Variants in SYT6 observed in about 807,000 individuals in gnomAD.
SYT6 encodes synaptotagmin 6, also known as synaptotagmin-6.
A neutral mutation model predicts 38.4 loss-of-function variants in SYT6; 24 were observed. The observed-to-expected ratio is 0.62, with a 90% CI of 0.45 to 0.88. The LOEUF is 0.88. Ranked by LOEUF, SYT6 falls within the 40% of genes least tolerant of loss-of-function variation. The pLI is 0.00. For synonymous variants in SYT6, 265 were observed against 241.9 expected (o/e 1.10, Z -0.89); for missense variants, 611 against 621.0 (o/e 0.98, Z 0.17).
At chr1:114,153,414 A>C (rs1208172693) in intron 1 of SYT6, among the ~76,000 whole-genome samples, 196 bp downstream of exon 1, 1 of 152,166 alleles carries the variant, frequency 6.6e-6, no homozygotes, top group African/African-American at 2.4e-5. Flanking sequence ...CTTCTACCCC[A>C]ACCTCCGCTC....
At chr1:114,115,524 C>T (rs567027311) in intron 3 of SYT6, among the ~76,000 whole-genome samples, 1 of 151,550 alleles carries the variant, frequency 6.6e-6, no homozygotes, top group African/African-American at 2.4e-5. Flanking sequence ...TCAAGCAATT[C>T]TCCTGCCTCA....
At chr1:114,135,848 C>G (rs1283628793) in intron 3 of SYT6, among the ~76,000 whole-genome samples, 1 of 152,194 alleles carries the variant, frequency 6.6e-6, no homozygotes, top group Non-Finnish European at 1.5e-5. Flanking sequence ...GAGGACTGAG[C>G]TGCTTTTCTC....
chr1:114,092,148 G>A (rs902231901), intron 7 of SYT6, 66 bp from the exon 8 acceptor site: 1 of 1,459,864 alleles, frequency 6.8e-7, no homozygotes, highest in Admixed American at 2.0e-5. Flanking sequence ...TTGCAAAACT[G>A]AACTGGCCCA....
Position 114,111,004 on chromosome 1 carries a change from C to T in SYT6, c.1072-7283G>A, listed in dbSNP as rs138868239. Among the ~76,000 whole-genome samples the T allele has an allele frequency of 6.4e-4, 98 of 152,350 alleles. 1 individual carries two copies. The highest frequency in any genetic ancestry group is 2.3e-3 in the African/African-American group (96 of 41,574). On this transcript the variant is annotated intron_variant, in intron 3 of 7. Coordinates refer to ENST00000610222, the MANE Select transcript of SYT6 (RefSeq NM_001253772.2). ...TATCATCCAAAAGCCCAATCATATA[C>T]AGCAGCTGAAGAGTGGCTCAGAAAC...
chr1:114,146,234 G>A (rs2101117206), intron 1 of SYT6, among the ~76,000 whole-genome samples: 1 of 152,312 alleles, frequency 6.6e-6, no homozygotes, highest in East Asian at 1.9e-4. Context: ...CAGGCAGCAG[G>A]GAGGAGGTGA....
At chr1:114,128,479 C>A (rs930979952) in intron 3 of SYT6, among the ~76,000 whole-genome samples, 2 of 152,180 alleles carry the variant, frequency 1.3e-5, no homozygotes, top group African/African-American at 2.4e-5. Flanking sequence ...CCAAACCAAC[C>A]CTCCTAGACC....
intron 1 of SYT6, among the ~76,000 whole-genome samples, chr1:114,141,176 G>C (rs138212089): frequency 7.9e-5 from 12 of 152,344 alleles, no homozygotes; most frequent in African/African-American, 2.9e-4. Context: ...GAAGCTTAGT[G>C]AGGATGGCAT....
intron 1 of SYT6, among the ~76,000 whole-genome samples, chr1:114,149,650 G>T (rs1266935490): frequency 2.0e-5 from 3 of 152,050 alleles, no homozygotes; most frequent in Non-Finnish European, 4.4e-5. Flanking sequence ...TATTAGTTTG[G>T]TGGATGGTAA....
At chr1:114,122,974 T>G (rs1443880386) in intron 3 of SYT6, among the ~76,000 whole-genome samples, 1 of 152,242 alleles carries the variant, frequency 6.6e-6, no homozygotes, top group Non-Finnish European at 1.5e-5. Context: ...ATTAGAATCC[T>G]GACTCACACC....
At position 114,137,596 on chromosome 1, in the gene SYT6, G is replaced by A. The variant is rs117771236; in HGVS notation, c.970C>T (p.Arg324Cys). The A allele has an allele frequency of 1.5e-4, 236 of 1,614,202 alleles. No individual in the cohort carries two copies. The East Asian group carries it at 3.7e-3, about 25-fold the overall frequency. The change falls in exon 3 of 8, where the codon CGC (arginine) becomes TGC (cysteine). Residue 324 changes from arginine (R) to cysteine (C), a missense_variant. Physicochemically the swap from Arg to Cys is radical, Grantham distance 180 (BLOSUM62 -3). Transcript: ENST00000610222. Reference protein sequence around the residue: ...LSVFDFDRFSRHDMIGEVILD... With the variant: ...LSVFDFDRFSCHDMIGEVILD... The stretch of plus-strand genomic sequence containing the variant: ...ATGACCTCGCCAATCATGTCATGGC[G>A]GGAGAAGCGGTCAAAGTCGAAGACA...
In SYT6 at chr1:114,093,789, C is replaced by G. The variant is rs368421482; in HGVS notation, c.1530G>C (p.Leu510Phe). The G allele has an allele frequency of 4.3e-6, 7 of 1,614,150 alleles. No individual in the cohort carries two copies. Among genetic ancestry groups the G allele is most frequent in the African/African-American group, 1.3e-5 (1 of 75,042 alleles). Residue 510 changes from leucine (L) to phenylalanine (F), a missense_variant, in exon 7 of 8, where the codon TTG becomes TTC. Coordinates refer to ENST00000610222, the MANE Select transcript of SYT6 (RefSeq NM_001253772.2). ...KKSFKEGNPRL is the reference protein window; with the variant it reads ...KKSFKEGNPRF Reference sequence around the variant, plus strand: ...TGCAGCATCCACGTGAATGAAATCACAACCGAGGGTTTCCCTGGTGAAATA... The same window carrying G: ...TGCAGCATCCACGTGAATGAAATCAGAACCGAGGGTTTCCCTGGTGAAATA...
intron 6 of SYT6, among the ~76,000 whole-genome samples, chr1:114,095,281 C>G (rs745931036): frequency 2.0e-5 from 3 of 152,186 alleles, no homozygotes; most frequent in Non-Finnish European, 4.4e-5. Context: ...TTTTATCTTT[C>G]TTTTGTAGTC....
intron 3 of SYT6, among the ~76,000 whole-genome samples, chr1:114,104,316 C>T (rs74112926): frequency 0.021 from 3,229 of 152,312 alleles, 145 homozygotes; most frequent in African/African-American, 0.074. Context: ...GCCTCAGGTC[C>T]ACTTTCTCTT....
At chr1:114,151,282 G>C (rs573975921) in intron 1 of SYT6, among the ~76,000 whole-genome samples, 7 of 152,126 alleles carry the variant, frequency 4.6e-5, no homozygotes, top group Non-Finnish European at 1.0e-4. Context: ...CAGCCTCTCA[G>C]CTTGGACCCT....
At position 114,099,173 on chromosome 1, in the gene SYT6, T is replaced by G. The variant is rs772366530; in HGVS notation, c.1285A>C (p.Asn429His). The change falls in exon 5 of 8, where the codon AAT becomes CAT. Residue 429 changes from asparagine (N) to histidine (H), a missense_variant. Physicochemically the swap from Asn to His is moderately conservative, Grantham distance 68. Transcript: ENST00000610222. ...IKKNTLNPVY[N>H]EAIIFDIPPE... ...GGAATGTCAAAGATGATGGCCTCAT[T>G]GTAGACAGGATTGAGAGTGTTTTTC... 3 of 1,614,070 alleles carry G rather than the reference T, an allele frequency of 1.9e-6. No homozygotes were observed. Among genetic ancestry groups the G allele is most frequent in the East Asian group, 4.5e-5 (2 of 44,902 alleles).
chr1:114,102,637 A>G (rs1236893615), intron 4 of SYT6, among the ~76,000 whole-genome samples: 1 of 152,150 alleles, frequency 6.6e-6, no homozygotes, highest in East Asian at 1.9e-4. Context: ...AATCTTTAAT[A>G]TATTCCCAGC....
chr1:114,143,958 C>T (rs1679025430), intron 1 of SYT6, among the ~76,000 whole-genome samples: 1 of 152,176 alleles, frequency 6.6e-6, no homozygotes, highest in Non-Finnish European at 1.5e-5. Flanking sequence ...ACCTTTGAGC[C>T]CAAGGCCTCT....
chr1:114,137,655 T>C lies in SYT6; in HGVS notation c.911A>G (p.Tyr304Cys), dbSNP rs776807792. 3.7e-6 allele frequency: 6 copies of C among 1,613,862 alleles called. No homozygotes were observed. The highest frequency in any genetic ancestry group is 5.1e-6 in the Non-Finnish European group (6 of 1,179,794). The change falls in exon 3 of 8, where the codon TAT (tyrosine) becomes TGT (cysteine). Residue 304 changes from tyrosine to cysteine, a missense_variant. By Grantham distance (194) the Tyr-to-Cys change is radical. Transcript: ENST00000610222. ...FDENFHFPVP[Y>C]EELADRKLHL... ...CAGCTTGCGGTCAGCCAGCTCCTCA[T>C]AGGGCACAGGGAAGTGGAAGTTCTC...
intron 3 of SYT6, among the ~76,000 whole-genome samples, chr1:114,127,486 G>T (rs900668237): frequency 6.6e-6 from 1 of 151,976 alleles, no homozygotes; most frequent in Non-Finnish European, 1.5e-5. Flanking sequence ...AGAACCTGGG[G>T]CTGGACACAG....
Sources: allele counts gnomAD v4.1 joint callset (sites outside exome capture counted in the v4.1 genomes callset), GRCh38; gene constraint gnomAD v4.1.1; transcripts MANE v1.5; gene names NCBI Gene and HGNC (gene_info 2026-07-23, HGNC 2026-07-21).